The following SEC14L4 variants were observed in gnomAD, a reference collection of about 807,000 sequenced individuals.
SEC14L4 encodes the protein SEC14 like lipid binding 4, also known as SEC14-like protein 4.
A neutral mutation model predicts 55.1 loss-of-function variants in SEC14L4; 42 were observed. The observed-to-expected ratio is 0.76, with a 90% CI of 0.60 to 0.99. SEC14L4 has a LOEUF of 0.99. Ranked by LOEUF, SEC14L4 falls within the 50% of genes least tolerant of loss-of-function variation. The pLI, the probability that SEC14L4 is intolerant of heterozygous loss-of-function variation, is 0.00. For synonymous variants in SEC14L4, 206 were observed against 206.8 expected (o/e 1.00, Z 0.03); for missense variants, 445 against 512.1 (o/e 0.87, Z 1.27).
intron 7 of SEC14L4, chr22:30,492,797 T>C: frequency 2.2e-6 from 1 of 460,354 alleles, no homozygotes; most frequent in Non-Finnish European, 4.0e-6. Flanking sequence ...TAAATGGTTG[T>C]CTCAGGCCAG....
rs1935884749 is a variant in SEC14L4, at chr22:30,489,539, C to T, written c.*568G>A. On this transcript the variant is annotated 3_prime_UTR_variant, in exon 12 of 12. Transcript: ENST00000255858. ...ATAGGCGTGAGCCACCACGCCCAGT[C>T]CATTTCCAATTTTCCATCCAGTGGT... The T allele has an allele frequency of 1.5e-5, 7 of 477,774 alleles. No homozygotes were observed. The South Asian group carries it at 1.6e-4, about 11-fold the overall frequency. The allele number at this position is 477,774 out of a possible 1,614,324, so 29.6% of individuals were successfully genotyped here.
chr22:30,497,025 C>G (rs1936172193), intron 2 of SEC14L4, among the ~76,000 whole-genome samples: 1 of 152,122 alleles, frequency 6.6e-6, no homozygotes, highest in African/African-American at 2.4e-5. Context: ...CTCCTCTGCT[C>G]TGATCATGAA....
intron 2 of SEC14L4, among the ~76,000 whole-genome samples, chr22:30,498,809 A>T (rs1203800770): frequency 6.6e-6 from 1 of 152,222 alleles, no homozygotes; most frequent in Non-Finnish European, 1.5e-5. Flanking sequence ...TATCTGCATT[A>T]ATTGAGATAG....
chr22:30,491,514 G>T lies in SEC14L4; in HGVS notation c.1081+59C>A, dbSNP rs5753168. ...CACCCTCCCGAGAGCTGGAAAGAGA[G>T]GGCAAGCAGAGGGGAGACTGGCAGG... On this transcript the variant is annotated intron_variant, in intron 11 of 11. Transcript: ENST00000255858. 16,473 of 1,598,598 alleles carry T rather than the reference G, an allele frequency of 0.01. 790 individuals are homozygous for T. The African/African-American group carries it at 0.12, about 12-fold the overall frequency.
chr22:30,494,231 T>C, intron 6 of SEC14L4, 21 bp from the exon 7 acceptor site: 1 of 1,604,136 alleles, frequency 6.2e-7, no homozygotes, highest in Non-Finnish European at 8.5e-7. Context: ...AAGATGAGTC[T>C]GGTTGGGGCT....
intron 2 of SEC14L4, among the ~76,000 whole-genome samples, chr22:30,501,196 G>C (rs1056233780): frequency 6.6e-6 from 1 of 152,138 alleles, no homozygotes; most frequent in Admixed American, 6.5e-5. Flanking sequence ...GGTTAGTGAG[G>C]CCGGGACTAG....
rs779174827 is a variant in SEC14L4 at position 30,495,431 on chromosome 22, C to T, written c.246G>A (p.Leu82=). Residue 82 remains leucine (L), a synonymous_variant, in exon 5 of 12, where the codon CTG becomes CTA. Transcript: ENST00000255858. Reference sequence around the variant, plus strand: ...AGCCACAAAGACCACCCGAGTCATACAGCTGGATGACCTGGAAGTGTGGGT... The same window carrying T: ...AGCCACAAAGACCACCCGAGTCATATAGCTGGATGACCTGGAAGTGTGGGT... ...VTWQPPEVIQ[L]YDSGGLCGYD... is the part of the protein sequence containing the mutation. The T allele has an allele frequency of 5.0e-6, 8 of 1,613,464 alleles. No individual in the cohort carries two copies. Among genetic ancestry groups the T allele is most frequent in the Middle Eastern group, 1.7e-4 (1 of 6,060 alleles).
intron 1 of SEC14L4, among the ~76,000 whole-genome samples, chr22:30,504,125 T>C (rs1936420829): frequency 6.6e-6 from 1 of 151,904 alleles, no homozygotes; most frequent in African/African-American, 2.4e-5. Context: ...TTGCGTGATC[T>C]TGGCTCACTG....
At chr22:30,492,295 T>C in intron 8 of SEC14L4, 140 bp from the exon 9 acceptor site, 1 of 1,221,758 alleles carries the variant, frequency 8.2e-7, no homozygotes, top group Non-Finnish European at 1.2e-6. Context: ...CCCAAGACCT[T>C]TATGTGGCTC....
intron 2 of SEC14L4, among the ~76,000 whole-genome samples, chr22:30,501,804 T>C (rs1601856674): frequency 6.8e-6 from 1 of 147,782 alleles, no homozygotes; most frequent in African/African-American, 2.5e-5. Context: ...CTAAAACTAT[T>C]CTAAAAATTA....
rs187135397 is a variant in SEC14L4 at position 30,495,245 on chromosome 22, G to A, written c.423+9C>T. 31 of 1,596,748 alleles carry A rather than the reference G, an allele frequency of 1.9e-5. No individual in the cohort carries two copies. The highest frequency in any genetic ancestry group is 1.7e-4 in the Middle Eastern group (1 of 5,950). On this transcript the variant is annotated intron_variant, in intron 5 of 11. Transcript: ENST00000255858. ...ACAGATGAGGCCCAGCCCCACCCCC[G>A]CTGCTCACCTTCTGAGTTTGCAGCT... is the stretch of plus-strand genomic sequence containing the variant.
chr22:30,494,191 G>A lies in SEC14L4; in HGVS notation c.539C>T (p.Ala180Val), dbSNP rs762499785. 1 of 1,613,774 alleles carries A rather than the reference G, an allele frequency of 6.2e-7. No individual in the cohort carries two copies. Residue 180 changes from alanine to valine, a missense_variant, in exon 7 of 12, where the codon GCA becomes GTA. Transcript: ENST00000255858. ...VYQQFFSILE[A>V]NYPETLKNLI... Reference sequence around the variant, plus strand: ...ATTCTTCAGGGTCTCAGGATAATTTGCTTCCAGGATGCTAAAAAACTGTGG... The same window carrying A: ...ATTCTTCAGGGTCTCAGGATAATTTACTTCCAGGATGCTAAAAAACTGTGG...
intron 2 of SEC14L4, among the ~76,000 whole-genome samples, chr22:30,498,934 A>AAAT (rs1936232435): frequency 6.6e-6 from 1 of 151,470 alleles, no homozygotes; most frequent in Admixed American, 6.6e-5. Flanking sequence ...CACGCTGCAT[A>AAAT]ATTATTATTA....
At position 30,495,371 on chromosome 22, in the gene SEC14L4, G is replaced by A. The variant is rs1160586059; in HGVS notation, c.306C>T (p.Ile102=). The change falls in exon 5 of 12, where the codon ATC becomes ATT. Residue 102 remains isoleucine (I), a synonymous_variant. Coordinates refer to ENST00000255858, the MANE Select transcript of SEC14L4 (RefSeq NM_174977.4). ...GACCCTTGGGGTCGAGGGACCCAAT[G>A]ATGTTGAAGTACACAGGGCAGCCTT... ...DYEGCPVYFN[I]IGSLDPKGLL... is the part of the protein sequence containing the mutation. 2 of 1,614,086 alleles carry A rather than the reference G, an allele frequency of 1.2e-6. No individual in the cohort carries two copies. The highest frequency in any genetic ancestry group is 3.3e-5 in the Admixed American group (2 of 60,008).
Position 30,489,720 on chromosome 22 carries a change from C to G in SEC14L4, c.*387G>C. ...CCTGAAGCTGTGATGTCCACAGGAC[C>G]TAGGAACCACGCACACCCCCTGAAG... On this transcript the variant is annotated 3_prime_UTR_variant, in exon 12 of 12. Transcript: ENST00000255858. 2 of 765,268 alleles carry G rather than the reference C, an allele frequency of 2.6e-6. No individual in the cohort carries two copies. The highest frequency in any genetic ancestry group is 4.5e-6 in the Non-Finnish European group (2 of 445,818). 47.4% of individuals were successfully genotyped at this position (765,268 alleles called of 1,614,324 possible).
Position 30,495,984 on chromosome 22 carries a change from G to A in SEC14L4, c.131-13C>T. ...TCAAAGTTTCGAGCTGCAAGAAGAG[G>A]AGGTAAATAGAAGCTCAAGGCTAGA... On this transcript the variant is annotated splice_polypyrimidine_tract_variant and intron_variant, in intron 2 of 11. Transcript: ENST00000255858. 1 of 1,608,028 alleles carries A rather than the reference G, an allele frequency of 6.2e-7. No individual in the cohort carries two copies. Among genetic ancestry groups the A allele is most frequent in the Non-Finnish European group, 8.5e-7 (1 of 1,176,724 alleles).
At chr22:30,502,506 G>A (rs1936361757) in intron 2 of SEC14L4, among the ~76,000 whole-genome samples, 1 of 152,160 alleles carries the variant, frequency 6.6e-6, no homozygotes, top group Non-Finnish European at 1.5e-5. Context: ...CATTCCATGA[G>A]GTGTAATGAG....
chr22:30,503,462 C>T (rs1936395009), intron 2 of SEC14L4, among the ~76,000 whole-genome samples: 1 of 151,988 alleles, frequency 6.6e-6, no homozygotes, highest in Non-Finnish European at 1.5e-5. Context: ...AGGGTTTCCC[C>T]ATGTTGGTCA....
intron 7 of SEC14L4, 131 bp downstream of exon 7, chr22:30,494,019 A>G: frequency 1.4e-6 from 1 of 703,386 alleles, no homozygotes; most frequent in Non-Finnish European, 2.5e-6. Context: ...CTAACTAACC[A>G]GAAACCAACC....
Sources: allele counts gnomAD v4.1 joint callset (sites outside exome capture counted in the v4.1 genomes callset), GRCh38; gene constraint gnomAD v4.1.1; transcripts MANE v1.5; gene names NCBI Gene and HGNC (gene_info 2026-07-23, HGNC 2026-07-21).